MAGI2: variants seen among roughly 807,000 people sequenced by gnomAD.
MAGI2 encodes the protein membrane-associated guanylate kinase, WW and PDZ domain-containing protein 2.
MAGI2 carries 35 observed loss-of-function variants against 133.3 expected under a neutral mutation model. The ratio of observed to expected loss-of-function variants is 0.26; its 90% CI spans 0.20 to 0.35. The LOEUF (loss-of-function observed/expected upper bound fraction) is 0.35, where lower values mean the gene tolerates loss of function less well. Among genes scored for constraint, MAGI2 ranks in the 10% least tolerant of loss-of-function variants. The pLI is 1.00. For synonymous variants in MAGI2, 729 were observed against 710.6 expected (o/e 1.03, Z -0.41); for missense variants, 1,636 against 1,863.4 (o/e 0.88, Z 2.25).
At chr7:79,260,154 T>C (rs558210717) in intron 1 of MAGI2, among the ~76,000 whole-genome samples, 5 of 152,274 alleles carry the variant, frequency 3.3e-5, no homozygotes, top group African/African-American at 9.6e-5. Context: ...AGGAGTTTGA[T>C]ACCAGCCTGG....
intron 9 of MAGI2, among the ~76,000 whole-genome samples, chr7:78,317,877 CCTGA>C (rs1307678727): frequency 6.6e-6 from 1 of 151,998 alleles, no homozygotes; most frequent in African/African-American, 2.4e-5. Context: ...AGCAGAGGGG[CCTGA>C]CTGTTAGAAG....
chr7:78,758,379 G>A (rs1263349758), intron 2 of MAGI2, among the ~76,000 whole-genome samples: 15 of 152,004 alleles, frequency 9.9e-5, no homozygotes. Context: ...AGAATGCATG[G>A]TTTCCATTTA....
In MAGI2 at chr7:78,580,618, A is replaced by G. The variant is rs147244121; in HGVS notation, c.538+46502T>C. 6.9e-3 allele frequency among the ~76,000 whole-genome samples: 1,057 copies of G among 152,336 alleles called. 45 individuals carry two copies. Among genetic ancestry groups the G allele is most frequent in the Admixed American group, 0.063 (965 of 15,292 alleles). The stretch of plus-strand genomic sequence containing the variant: ...ATTTAACTTCCTCATGATCATTCAT[A>G]GCCAGCCAAACCTAGTTAGAAAAAA... On this transcript the variant is annotated intron_variant, in intron 3 of 21. Coordinates refer to ENST00000354212, the MANE Select transcript of MAGI2 (RefSeq NM_012301.4).
chr7:78,886,198 C>A (rs963788445), intron 2 of MAGI2, among the ~76,000 whole-genome samples: 5 of 152,114 alleles, frequency 3.3e-5, no homozygotes, highest in African/African-American at 4.8e-5. Flanking sequence ...TAATGAGAAA[C>A]AACTGAAAGG....
chr7:78,813,381 T>C (rs972881280), intron 2 of MAGI2, among the ~76,000 whole-genome samples: 1 of 152,210 alleles, frequency 6.6e-6, no homozygotes, highest in South Asian at 2.1e-4. Context: ...GTAAGACTAG[T>C]TCAATATTTG....
chr7:78,828,419 A>G (rs2151438056), intron 2 of MAGI2, among the ~76,000 whole-genome samples: 1 of 152,294 alleles, frequency 6.6e-6, no homozygotes, highest in South Asian at 2.1e-4. Context: ...ACACAATTCT[A>G]CCCTAACCAT....
At chr7:78,891,160 C>G (rs932415096) in intron 2 of MAGI2, among the ~76,000 whole-genome samples, 14 of 152,144 alleles carry the variant, frequency 9.2e-5, no homozygotes, top group African/African-American at 3.4e-4. Flanking sequence ...CACATACACC[C>G]TCCCAAGACT....
intron 1 of MAGI2, among the ~76,000 whole-genome samples, chr7:79,056,562 T>C (rs1016614156): frequency 2.6e-4 from 40 of 152,168 alleles, no homozygotes; most frequent in African/African-American, 9.7e-4. Flanking sequence ...GCACAGAGTA[T>C]CACAGAGATA....
chr7:78,772,931 T>C (rs1162154044), intron 2 of MAGI2, among the ~76,000 whole-genome samples: 1 of 152,262 alleles, frequency 6.6e-6, no homozygotes, highest in African/African-American at 2.4e-5. Context: ...CCTTTTCTTT[T>C]TTCCCTCTAG....
chr7:79,020,834 A>C (rs368060021), intron 1 of MAGI2, among the ~76,000 whole-genome samples: 1 of 152,126 alleles, frequency 6.6e-6, no homozygotes, highest in East Asian at 1.9e-4. Context: ...ATGGGGAAAA[A>C]TGTCTCCAGG....
chr7:78,319,934 A>G (rs560112420), intron 9 of MAGI2, among the ~76,000 whole-genome samples: 88 of 152,358 alleles, frequency 5.8e-4, no homozygotes, highest in African/African-American at 2.1e-3. Flanking sequence ...AAAATATGAT[A>G]AAGGGGATAT....
chr7:79,130,112 G>A (rs975591320), intron 1 of MAGI2, among the ~76,000 whole-genome samples: 2 of 145,472 alleles, frequency 1.4e-5, no homozygotes, highest in Non-Finnish European at 3.0e-5. Context: ...GCCAGCCTGA[G>A]TAAAAAAGTG....
intron 5 of MAGI2, among the ~76,000 whole-genome samples, chr7:78,490,972 T>C (rs999417373): frequency 1.1e-4 from 17 of 151,920 alleles, no homozygotes; most frequent in African/African-American, 4.1e-4. Context: ...AGGATGGAAA[T>C]AGAAATCAGA....
At chr7:78,155,143 C>A (rs1237136498) in intron 16 of MAGI2, among the ~76,000 whole-genome samples, 1 of 152,144 alleles carries the variant, frequency 6.6e-6, no homozygotes, top group African/African-American at 2.4e-5. Context: ...TTGTTCAAAT[C>A]TTTTTAAGAA....
chr7:78,212,026 T>C (rs1028583080), intron 10 of MAGI2, among the ~76,000 whole-genome samples: 1 of 152,272 alleles, frequency 6.6e-6, no homozygotes, highest in African/African-American at 2.4e-5. Context: ...ACCATTATTC[T>C]TTTATGAATT....
At chr7:78,269,560 T>C (rs1290533427) in intron 9 of MAGI2, among the ~76,000 whole-genome samples, 4 of 152,236 alleles carry the variant, frequency 2.6e-5, no homozygotes, top group South Asian at 2.1e-4. Flanking sequence ...TTTTCATGTT[T>C]GTTGGCTGCA....
intron 1 of MAGI2, among the ~76,000 whole-genome samples, chr7:79,294,647 C>A (rs1836769496): frequency 6.6e-6 from 1 of 151,512 alleles, no homozygotes; most frequent in African/African-American, 2.4e-5. Context: ...AGGTGATAAC[C>A]CGACCTGATC....
chr7:78,948,958 G>A (rs549658774), intron 2 of MAGI2, among the ~76,000 whole-genome samples: 29 of 152,042 alleles, frequency 1.9e-4, no homozygotes, highest in African/African-American at 6.7e-4. Flanking sequence ...AAGAGAAAAA[G>A]TTTCAGTCAA....
At chr7:78,634,230 T>G (rs1809381368) in intron 2 of MAGI2, among the ~76,000 whole-genome samples, 1 of 152,212 alleles carries the variant, frequency 6.6e-6, no homozygotes, top group South Asian at 2.1e-4. Context: ...CAAGGATCCT[T>G]TTGTCTTTTG....
Sources: allele counts gnomAD v4.1 joint callset (sites outside exome capture counted in the v4.1 genomes callset), GRCh38; gene constraint gnomAD v4.1.1; transcripts MANE v1.5; gene names NCBI Gene and HGNC (gene_info 2026-07-23, HGNC 2026-07-21).